Variants in ERI1 observed in about 807,000 individuals in gnomAD.
ERI1 encodes 3'-5' exoribonuclease 1.
A neutral mutation model predicts 39.7 loss-of-function variants in ERI1; 39 were observed. That is an observed-to-expected ratio of 0.98 (90% CI 0.76 to 1.28). The LOEUF (loss-of-function observed/expected upper bound fraction) is 1.28, where lower values mean the gene tolerates loss of function less well. Among genes scored for constraint, ERI1 ranks in the 50% most tolerant of loss-of-function variants. The probability of loss-of-function intolerance (pLI) is 0.00; values close to 1 mark genes in which losing one functional copy is unlikely to be tolerated. For synonymous variants in ERI1, 204 were observed against 149.6 expected, an observed-to-expected ratio of 1.36 and a Z score of -2.65; for missense variants, 581 against 416.9, an observed-to-expected ratio of 1.39 and a Z score of -3.43.
downstream of ERI1, among the ~76,000 whole-genome samples, chr8:9,038,005 C>G (rs909547125): frequency 6.6e-6 from 1 of 151,840 alleles, no homozygotes; most frequent in African/African-American, 2.4e-5. Flanking sequence ...CAAGTACTCC[C>G]TAATACTTGA....
intron 3 of ERI1, among the ~76,000 whole-genome samples, chr8:9,083,294 T>C (rs981399501): frequency 3.3e-5 from 5 of 152,228 alleles, no homozygotes; most frequent in African/African-American, 9.6e-5. Context: ...ACAATGGCTG[T>C]GCTCTGACGG....
At chr8:9,091,699 A>G (rs1799710236) in intron 3 of ERI1, among the ~76,000 whole-genome samples, 1 of 152,188 alleles carries the variant, frequency 6.6e-6, no homozygotes, top group Non-Finnish European at 1.5e-5. Flanking sequence ...TTTCAAAAGA[A>G]TCCCAAGGGA....
At position 9,068,186 on chromosome 8, in the gene ERI1, A is replaced by G. The variant is rs139777629; in HGVS notation, n.299+47722A>G. The stretch of plus-strand genomic sequence containing the variant: ...TTTTTTCAGATATATCTAAAATAGT[A>G]TTATATACAATTGACCTGAGACTGT... On this transcript the variant is annotated intron_variant and non_coding_transcript_variant, in intron 3 of 3. Transcript: ENST00000518663. Among the ~76,000 whole-genome samples, 1,228 of 152,332 alleles carry G rather than the reference A, an allele frequency of 8.1e-3. 13 individuals carry two copies. Among genetic ancestry groups the G allele is most frequent in the African/African-American group, 0.029 (1,191 of 41,558 alleles).
At chr8:9,064,914 T>C (rs1378953122) in intron 3 of ERI1, among the ~76,000 whole-genome samples, 1 of 151,248 alleles carries the variant, frequency 6.6e-6, no homozygotes, top group East Asian at 1.9e-4. Context: ...GAGACAGGGG[T>C]GGGGCTGTTT....
chr8:9,012,737 C>A (rs1388479138), intron 3 of ERI1, among the ~76,000 whole-genome samples: 1 of 152,148 alleles, frequency 6.6e-6, no homozygotes, highest in African/African-American at 2.4e-5. Flanking sequence ...CTATATTGCT[C>A]CCACTACACA....
intron 6 of ERI1, among the ~76,000 whole-genome samples, chr8:9,029,453 C>T (rs1256482594): frequency 6.6e-6 from 1 of 152,092 alleles, no homozygotes; most frequent in African/African-American, 2.4e-5. Context: ...CTCAGCCTCC[C>T]AGGTAGCTGG....
chr8:9,070,307 A>G (rs375313698), intron 3 of ERI1, among the ~76,000 whole-genome samples: 16 of 152,156 alleles, frequency 1.1e-4, no homozygotes, highest in African/African-American at 2.9e-4. Context: ...AAAAAGAAAT[A>G]ACATATATGT....
At chr8:9,029,709 G>A in intron 6 of ERI1, 83 bp from the exon 7 acceptor site, 2 of 1,520,212 alleles carry the variant, frequency 1.3e-6, no homozygotes, top group Non-Finnish European at 9.0e-7. Context: ...CTAATTTTCA[G>A]TTTCTTATTT....
At chr8:9,009,689 A>G (rs1287180516) in intron 2 of ERI1, among the ~76,000 whole-genome samples, 2 of 151,952 alleles carry the variant, frequency 1.3e-5, no homozygotes, top group African/African-American at 4.8e-5. Context: ...ACAGGCATGC[A>G]CCACCATGCC....
intron 3 of ERI1, among the ~76,000 whole-genome samples, chr8:9,063,438 G>A (rs910235735): frequency 5.9e-5 from 9 of 152,176 alleles, no homozygotes; most frequent in Admixed American, 2.0e-4. Flanking sequence ...AGCCAGACCG[G>A]GTGTGAGGAG....
intron 3 of ERI1, among the ~76,000 whole-genome samples, chr8:9,065,105 G>C (rs746082961): frequency 7.2e-5 from 11 of 152,142 alleles, no homozygotes; most frequent in Admixed American, 2.6e-4. Context: ...GTGGTGGAAT[G>C]TCATTAGTTA....
intron 3 of ERI1, among the ~76,000 whole-genome samples, chr8:9,057,915 G>A (rs771715801): frequency 6.6e-6 from 1 of 152,148 alleles, no homozygotes; most frequent in East Asian, 1.9e-4. Context: ...AGGCCGAAAC[G>A]GGGCAAGCAA....
intron 3 of ERI1, among the ~76,000 whole-genome samples, chr8:9,015,763 T>G (rs1817198212): frequency 6.7e-6 from 1 of 148,168 alleles, no homozygotes; most frequent in African/African-American, 2.5e-5. Flanking sequence ...GAAAGCTTCT[T>G]GAAAAGATTC....
intron 6 of ERI1, among the ~76,000 whole-genome samples, chr8:9,025,528 A>C (rs1246172205): frequency 6.6e-6 from 1 of 152,198 alleles, no homozygotes; most frequent in Non-Finnish European, 1.5e-5. Context: ...CAACTCAGCC[A>C]CTTGATTGAG....
intron 3 of ERI1, among the ~76,000 whole-genome samples, chr8:9,057,450 C>T (rs998166034): frequency 1.3e-5 from 2 of 152,200 alleles, no homozygotes; most frequent in African/African-American, 2.4e-5. Context: ...TGACCCAGCA[C>T]GTAGCTCACA....
rs189922737 is a variant in ERI1, at chr8:9,048,705, T to G, written n.299+28241T>G. Among the ~76,000 whole-genome samples the G allele has an allele frequency of 5.2e-3, 794 of 152,316 alleles. 7 individuals carry two copies. Among genetic ancestry groups the G allele is most frequent in the South Asian group, 0.018 (88 of 4,822 alleles). On this transcript the variant is annotated intron_variant and non_coding_transcript_variant, in intron 3 of 3. Coordinates refer to the ERI1 transcript ENST00000518663. Reference sequence around the variant, plus strand: ...CGTTGTCTAGGCTGGAGTGCAGTGGTGCAATCATAGTTGACTGCAGCCTCA... The same window carrying G: ...CGTTGTCTAGGCTGGAGTGCAGTGGGGCAATCATAGTTGACTGCAGCCTCA...
chr8:9,024,979 G>A (rs1205192600), intron 6 of ERI1, among the ~76,000 whole-genome samples: 1 of 152,022 alleles, frequency 6.6e-6, no homozygotes, highest in Non-Finnish European at 1.5e-5. Flanking sequence ...AAAGTTGAAA[G>A]TGCAGTGAAG....
intron 2 of ERI1, among the ~76,000 whole-genome samples, chr8:9,011,255 G>A (rs1260295308): frequency 6.6e-6 from 1 of 152,122 alleles, no homozygotes; most frequent in Admixed American, 6.5e-5. Flanking sequence ...TATGCTGACA[G>A]TGTTTATGGT....
chr8:9,050,870 A>G (rs1798334738), intron 3 of ERI1, among the ~76,000 whole-genome samples: 1 of 152,102 alleles, frequency 6.6e-6, no homozygotes, highest in Non-Finnish European at 1.5e-5. Flanking sequence ...CAAAGAGATA[A>G]TAAGGTGCAA....
Sources: gnomAD v4.1 joint callset for allele counts (sites outside exome capture counted in the v4.1 genomes callset) on GRCh38, gnomAD v4.1.1 for gene constraint, MANE v1.5 for transcripts, NCBI Gene and HGNC (gene_info 2026-07-23, HGNC 2026-07-21) for gene names.